FNDC3A: variants seen among roughly 807,000 people sequenced by gnomAD.
FNDC3A encodes the protein fibronectin type-III domain-containing protein 3A.
A neutral mutation model predicts 148.9 loss-of-function variants in FNDC3A; 32 were observed. The observed-to-expected ratio is 0.21, with a 90% confidence interval of 0.16 to 0.29. FNDC3A has a LOEUF of 0.29. Ranked by LOEUF, FNDC3A falls within the 10% of genes least tolerant of loss-of-function variation. The pLI is 1.00. For missense variants in FNDC3A, 1,191 were observed against 1,452.8 expected, an observed-to-expected ratio of 0.82 and a Z score of 2.93; for synonymous variants, 472 against 473.6, an observed-to-expected ratio of 1.00 and a Z score of 0.04.
rs905195497 is a variant in FNDC3A, at chr13:49,004,757, A to AT, written c.-39-1387dup. 6.6e-5 allele frequency among the ~76,000 whole-genome samples: 10 copies of AT among 151,866 alleles called. No individual in the cohort carries two copies. The East Asian group carries it at 1.7e-3, about 26-fold the overall frequency. On this transcript the variant is annotated intron_variant, in intron 1 of 25. Transcript: ENST00000492622. Reference sequence around the variant, plus strand: ...AAATTTAAATGGCTCAGTGGTTTTTATTTTTTTTAATTTATTAAGAAAATT... The same window carrying AT: ...AAATTTAAATGGCTCAGTGGTTTTTATTTTTTTTTAATTTATTAAGAAAATT...
At chr13:48,975,695 G>A (rs541936790), upstream of FNDC3A, 1 of 152,336 alleles carries the variant, frequency 6.6e-6, no homozygotes, top group African/African-American at 2.4e-5. Flanking sequence ...GGCGCAGCCG[G>A]GCCTCGGGAG....
intron 3 of FNDC3A, among the ~76,000 whole-genome samples, chr13:49,112,791 TTA>T (rs934703100): frequency 3.2e-4 from 49 of 152,114 alleles, no homozygotes; most frequent in Admixed American, 7.9e-4. Flanking sequence ...GATAGAATGA[TTA>T]TGAGGAGAAA....
At chr13:49,167,709 CA>C (rs564784760) in intron 9 of FNDC3A, among the ~76,000 whole-genome samples, 2,820 of 120,532 alleles carry the variant, frequency 0.023, 91 homozygotes, top group African/African-American at 0.079. Flanking sequence ...TTGTCTCAAA[CA>C]AAAAAAAAAA....
At position 49,075,328 on chromosome 13, in the gene FNDC3A, A is replaced by G. The variant is rs1382731855; in HGVS notation, c.139A>G (p.Ile47Val). ...VQVNPGEAFT[I>V]RREDGQFQCI... Reference sequence around the variant, plus strand: ...AGTTAACCCAGGAGAAGCATTTACAATAAGAAGAGAAGATGGACAGTTTCA... The same window carrying G: ...AGTTAACCCAGGAGAAGCATTTACAGTAAGAAGAGAAGATGGACAGTTTCA... The change falls in exon 3 of 26, where the codon ATA becomes GTA. Residue 47 changes from isoleucine (I) to valine (V), a missense_variant. Around this residue, in one of 3 missense-constraint regions of FNDC3A, gnomAD observed 426 missense variants for 473.2 expected, o/e 0.90. Transcript: ENST00000492622. 6.2e-7 allele frequency: 1 copy of G among 1,604,040 alleles called. No individual in the cohort carries two copies. The highest frequency in any genetic ancestry group is 8.5e-7 in the Non-Finnish European group (1 of 1,171,296).
intron 8 of FNDC3A, 114 bp from the exon 9 acceptor site, chr13:49,167,130 G>A: frequency 3.5e-6 from 2 of 575,490 alleles, no homozygotes; most frequent in Non-Finnish European, 6.0e-6. Flanking sequence ...TACAGTTACA[G>A]TTGGTAAAGA....
At chr13:49,024,681 T>G (rs1204682659) in intron 2 of FNDC3A, among the ~76,000 whole-genome samples, 2 of 151,844 alleles carry the variant, frequency 1.3e-5, no homozygotes, top group East Asian at 1.9e-4. Context: ...TCAGCATCCC[T>G]TCATGATTTT....
At chr13:49,130,723 A>G (rs1881977511) in intron 4 of FNDC3A, among the ~76,000 whole-genome samples, 1 of 152,174 alleles carries the variant, frequency 6.6e-6, no homozygotes, top group Non-Finnish European at 1.5e-5. Flanking sequence ...TGATTCTCCA[A>G]ATTTTTAAAA....
intron 8 of FNDC3A, among the ~76,000 whole-genome samples, chr13:49,151,297 A>T (rs939188964): frequency 6.6e-6 from 1 of 152,092 alleles, no homozygotes; most frequent in Non-Finnish European, 1.5e-5. Context: ...TAGAATTGTT[A>T]TATCCTCTTG....
intron 4 of FNDC3A, among the ~76,000 whole-genome samples, chr13:49,128,059 T>C (rs1881808951): frequency 6.6e-6 from 1 of 152,166 alleles, no homozygotes; most frequent in South Asian, 2.1e-4. Flanking sequence ...TTTTTGTATT[T>C]TTAGTAGAGA....
intron 2 of FNDC3A, among the ~76,000 whole-genome samples, chr13:49,026,469 A>G (rs891397978): frequency 2.6e-5 from 4 of 152,192 alleles, no homozygotes; most frequent in African/African-American, 9.6e-5. Flanking sequence ...CATTACAGAC[A>G]GGGTAGTTGC....
chr13:49,004,469 A>G (rs888664255), intron 1 of FNDC3A, among the ~76,000 whole-genome samples: 3 of 152,076 alleles, frequency 2.0e-5, no homozygotes, highest in Non-Finnish European at 4.4e-5. Context: ...GAAAATTTTA[A>G]AAAGGTAATA....
chr13:49,201,769 A>G, intron 23 of FNDC3A, 31 bp from the exon 24 acceptor site: 1 of 1,149,300 alleles, frequency 8.7e-7, no homozygotes, highest in Non-Finnish European at 1.2e-6. Flanking sequence ...AAGGTAGTAT[A>G]AGGTTTATCT....
At chr13:49,145,223 C>T (rs983091682) in intron 7 of FNDC3A, among the ~76,000 whole-genome samples, 2 of 152,024 alleles carry the variant, frequency 1.3e-5, no homozygotes, top group African/African-American at 4.8e-5. Context: ...ATACTGTTAC[C>T]ACACTTAGAG....
intron 3 of FNDC3A, among the ~76,000 whole-genome samples, chr13:49,093,424 C>T (rs1411064306): frequency 6.6e-6 from 1 of 152,122 alleles, no homozygotes; most frequent in Non-Finnish European, 1.5e-5. Context: ...TAATGGTTAT[C>T]GAACGATCCC....
chr13:49,200,780 A>G (rs1886385537), intron 23 of FNDC3A, among the ~76,000 whole-genome samples: 1 of 152,104 alleles, frequency 6.6e-6, no homozygotes, highest in African/African-American at 2.4e-5. Flanking sequence ...TAATGCACAC[A>G]TTTAATAAAT....
chr13:49,010,239 G>C (rs1302990444), intron 2 of FNDC3A, among the ~76,000 whole-genome samples: 1 of 152,216 alleles, frequency 6.6e-6, no homozygotes, highest in Non-Finnish European at 1.5e-5. Flanking sequence ...TGGGCTGTAA[G>C]GGTGATCCCT....
intron 7 of FNDC3A, among the ~76,000 whole-genome samples, chr13:49,139,189 C>T (rs1462602168): frequency 6.6e-6 from 1 of 151,912 alleles, no homozygotes; most frequent in Non-Finnish European, 1.5e-5. Context: ...CTTTCTCTGA[C>T]AAGTGAGAAA....
In FNDC3A at chr13:49,131,158, C is replaced by G; in HGVS notation, c.274C>G (p.Arg92Gly). The G allele has an allele frequency of 6.2e-7, 1 of 1,613,054 alleles. No individual in the cohort carries two copies. The highest frequency in any genetic ancestry group is 8.5e-7 in the Non-Finnish European group (1 of 1,179,106). Residue 92 changes from arginine (R) to glycine (G), a missense_variant, in exon 5 of 26, where the codon CGA (arginine) becomes GGA (glycine). By Grantham distance (125) the Arg-to-Gly change is moderately radical. Transcript: ENST00000492622. Reference protein sequence around the residue: ...APQVIEDNGVRRVVVVPQAPE... With the variant: ...APQVIEDNGVGRVVVVPQAPE... ...GTAGGTTATTGAAGACAATGGTGTT[C>G]GAAGAGTTGTCGTGGTCCCTCAGGC...
chr13:49,088,618 GT>G (rs1356942469), intron 3 of FNDC3A, among the ~76,000 whole-genome samples: 1 of 152,110 alleles, frequency 6.6e-6, no homozygotes, highest in East Asian at 1.9e-4. Flanking sequence ...TTAACCCAGT[GT>G]ATTATTTCCT....
Sources: allele counts gnomAD v4.1 joint callset (sites outside exome capture counted in the v4.1 genomes callset), GRCh38; gene constraint gnomAD v4.1.1; regional missense constraint gnomAD v4.1.1; transcripts MANE v1.5; gene names NCBI Gene and HGNC (gene_info 2026-07-23, HGNC 2026-07-21).